Variants in DLG5 observed in about 807,000 individuals in gnomAD.
The protein encoded by DLG5 is discs large MAGUK scaffold protein 5, also known as disks large homolog 5.
A neutral mutation model predicts 189.8 loss-of-function variants in DLG5; 48 were observed. That is an observed-to-expected ratio of 0.25 (90% CI 0.20 to 0.32). The LOEUF (loss-of-function observed/expected upper bound fraction) is 0.32, where lower values mean the gene tolerates loss of function less well. Ranked by LOEUF, DLG5 falls within the 10% of genes least tolerant of loss-of-function variation. DLG5 has a pLI of 1.00. For missense variants in DLG5, 2,160 were observed against 2,544.7 expected (o/e 0.85, Z 3.25); for synonymous variants, 1,016 against 1,054.1 (o/e 0.96, Z 0.70).
rs1461432097 is a variant in DLG5 at position 77,816,617 on chromosome 10, G to A, written c.3959C>T (p.Thr1320Ile). ...DTLSSCSQSQ[T>I]SASTLPRIAV... ...GATTCTGGGCAATGTGGAGGCTGAG[G>A]TCTGGGACTGGCTACAAGAGGACAG... The change falls in exon 20 of 32, where the codon ACC becomes ATC. Residue 1320 changes from threonine (T) to isoleucine (I), a missense_variant. This residue lies in a region of DLG5 where 754 missense variants were observed against 746.5 expected (regional missense o/e 1.01). Coordinates refer to ENST00000372391, the MANE Select transcript of DLG5 (RefSeq NM_004747.4). 6.2e-7 allele frequency: 1 copy of A among 1,614,192 alleles called. No homozygotes were observed. Among genetic ancestry groups the A allele is most frequent in the Non-Finnish European group, 8.5e-7 (1 of 1,180,032 alleles).
At chr10:77,820,754 G>A (rs1338686145) in intron 15 of DLG5, 12 of 328,834 alleles carry the variant, frequency 3.6e-5, no homozygotes, top group East Asian at 5.4e-5. Flanking sequence ...AGCCTCACAC[G>A]TGCCACCTCA....
In DLG5 at chr10:77,856,819, G is replaced by A. The variant is rs773264708; in HGVS notation, c.447C>T (p.Leu149=). 4.3e-6 allele frequency: 7 copies of A among 1,613,338 alleles called. No homozygotes were observed. The highest frequency in any genetic ancestry group is 3.3e-5 in the South Asian group (3 of 90,988). The change falls in exon 3 of 32, where the codon CTC becomes CTT. Residue 149 remains leucine (L), a synonymous_variant. Coordinates refer to ENST00000372391, the MANE Select transcript of DLG5 (RefSeq NM_004747.4). ...GGGTCATCAGCCGCAGCTGAATGGAGAGGTTCTCCACCTTCTCATTCACTT... is the reference window on the plus strand; with the variant it reads ...GGGTCATCAGCCGCAGCTGAATGGAAAGGTTCTCCACCTTCTCATTCACTT... ...DQQVNEKVEN[L]SIQLRLMTRE... is the part of the protein sequence containing the mutation.
At chr10:77,918,998 C>G (rs1414644018) in intron 1 of DLG5, among the ~76,000 whole-genome samples, 2 of 152,104 alleles carry the variant, frequency 1.3e-5, no homozygotes, top group Non-Finnish European at 2.9e-5. Context: ...GGCGGATCAC[C>G]TGAGGTCAGG....
At chr10:77,939,785 AG>A in the DLG5 span, among the ~76,000 whole-genome samples, 1 of 152,180 alleles carries the variant, frequency 6.6e-6, no homozygotes, top group Non-Finnish European at 1.5e-5. Flanking sequence ...TTGGAGGAAA[AG>A]CTCCTCCATG....
intron 15 of DLG5, 169 bp downstream of exon 15, chr10:77,820,913 T>TTACC: frequency 1.3e-6 from 1 of 793,500 alleles, no homozygotes; most frequent in Non-Finnish European, 1.9e-6. Context: ...TCCACGCCAC[T>TTACC]TACCTACCTC....
Position 77,875,633 on chromosome 10 carries a change from T to A in DLG5, c.305-6436A>T, listed in dbSNP as rs79816924. Among the ~76,000 whole-genome samples, 31 of 152,226 alleles carry A rather than the reference T, an allele frequency of 2.0e-4. No homozygotes were observed. The East Asian group carries it at 5.8e-3, about 29-fold the overall frequency. On this transcript the variant is annotated intron_variant, in intron 1 of 31. Coordinates refer to ENST00000372391, the MANE Select transcript of DLG5 (RefSeq NM_004747.4). ...CACTCAATTCTGTGAACTGCAGAGA[T>A]GAGGAAGGAGGTGACCGTGAAAGTT...
intron 1 of DLG5, among the ~76,000 whole-genome samples, chr10:77,915,404 G>A (rs955640154): frequency 2.6e-5 from 4 of 152,028 alleles, no homozygotes; most frequent in African/African-American, 9.7e-5. Flanking sequence ...AAAAAATGAT[G>A]GTATACGTTG....
intron 1 of DLG5, among the ~76,000 whole-genome samples, chr10:77,879,204 T>A (rs1201320913): frequency 6.6e-6 from 1 of 152,044 alleles, no homozygotes; most frequent in African/African-American, 2.4e-5. Context: ...AGGTCATCTT[T>A]CCCCAGAGAC....
Position 77,812,067 on chromosome 10 carries a change from C to T in DLG5, c.4189-10G>A. ...GGTTTATGCCGTTGAACTGGGGAAA[C>T]ACCAGGATGGGCTCAGTGGGGGGGT... is the stretch of plus-strand genomic sequence containing the variant. On this transcript the variant is annotated splice_polypyrimidine_tract_variant and intron_variant, in intron 21 of 31. Transcript: ENST00000372391. 6.2e-7 allele frequency: 1 copy of T among 1,608,760 alleles called. No individual in the cohort carries two copies. The highest frequency in any genetic ancestry group is 2.2e-5 in the East Asian group (1 of 44,840).
At chr10:77,846,981 A>C (rs570530117) in intron 5 of DLG5, among the ~76,000 whole-genome samples, 85 of 152,268 alleles carry the variant, frequency 5.6e-4, no homozygotes, top group African/African-American at 1.9e-3. Context: ...AGTGCTCGGC[A>C]GAATCAGGAG....
At chr10:77,806,392 T>C (rs953308437) in intron 26 of DLG5, among the ~76,000 whole-genome samples, 2 of 152,166 alleles carry the variant, frequency 1.3e-5, no homozygotes, top group Non-Finnish European at 2.9e-5. Flanking sequence ...TGGGGTTTGT[T>C]TGAGGTGATG....
chr10:77,821,935 T>A lies in DLG5; in HGVS notation c.2549A>T (p.Asp850Val). 1 of 1,614,256 alleles carries A rather than the reference T, an allele frequency of 6.2e-7. No homozygotes were observed. Among genetic ancestry groups the A allele is most frequent in the South Asian group, 1.1e-5 (1 of 91,092 alleles). ...NSTQTDIFYT[D>V]RLEDRKEPGP... ...TGGCTCCTTCCTGTCTTCCAGCCTGTCCGTGTAGAAGATGTCTGTCTGCGT... is the reference window on the plus strand; with the variant it reads ...TGGCTCCTTCCTGTCTTCCAGCCTGACCGTGTAGAAGATGTCTGTCTGCGT... The change falls in exon 15 of 32, where the codon GAC (aspartate) becomes GTC (valine). Residue 850 changes from aspartate (D) to valine (V), a missense_variant. Physicochemically the swap from Asp to Val is radical, Grantham distance 152 (BLOSUM62 -3). Coordinates refer to ENST00000372391, the MANE Select transcript of DLG5 (RefSeq NM_004747.4).
intron 1 of DLG5, among the ~76,000 whole-genome samples, chr10:77,893,389 A>G (rs1460374436): frequency 6.6e-6 from 1 of 152,234 alleles, no homozygotes; most frequent in East Asian, 1.9e-4. Context: ...TTACTCCTCC[A>G]TAACCCTGTT....
chr10:77,833,886 A>T, intron 9 of DLG5, 28 bp downstream of exon 9: 1 of 1,601,998 alleles, frequency 6.2e-7, no homozygotes, highest in Non-Finnish European at 8.5e-7. Context: ...ATGCATGCCC[A>T]CTCCAGCGGG....
chr10:77,794,032 G>C lies in DLG5; in HGVS notation c.5632C>G (p.Gln1878Glu), dbSNP rs1479573809. ...EQFEAAQKLE[Q>E]EYSRYFTGVI... ...CCTGTGAAGTACCTGCTGTACTCCT[G>C]CTCAAGCTTCTGCGCCGCCTCAAAC... The change falls in exon 31 of 32, where the codon CAG becomes GAG. Residue 1878 changes from glutamine (Q) to glutamate (E), a missense_variant. Coordinates refer to ENST00000372391, the MANE Select transcript of DLG5 (RefSeq NM_004747.4). The C allele has an allele frequency of 1.9e-6, 3 of 1,613,974 alleles. No individual in the cohort carries two copies. The East Asian group carries it at 6.7e-5, about 36-fold the overall frequency.
chr10:77,870,719 A>G (rs1327104896), intron 1 of DLG5, among the ~76,000 whole-genome samples: 1 of 151,932 alleles, frequency 6.6e-6, no homozygotes, highest in Admixed American at 6.6e-5. Flanking sequence ...TTCCACTGCA[A>G]TTCTTGACTA....
chr10:77,908,763 T>A (rs547219371), intron 1 of DLG5, among the ~76,000 whole-genome samples: 19 of 151,670 alleles, frequency 1.3e-4, no homozygotes, highest in Non-Finnish European at 1.5e-4. Flanking sequence ...CTTGTTCAAG[T>A]TTTCCAACAA....
At chr10:77,818,299 G>A (rs552448186) in intron 17 of DLG5, among the ~76,000 whole-genome samples, 42 of 152,290 alleles carry the variant, frequency 2.8e-4, no homozygotes, top group Admixed American at 4.6e-4. Context: ...TCGGGACAGC[G>A]TGCCTAAGAA....
In DLG5 at chr10:77,899,328, G is replaced by A. The variant is rs529266971; in HGVS notation, c.304+26889C>T. Among the ~76,000 whole-genome samples the A allele has an allele frequency of 4.6e-5, 7 of 152,294 alleles. No homozygotes were observed. The East Asian group carries it at 1.4e-3, about 29-fold the overall frequency. On this transcript the variant is annotated intron_variant, in intron 1 of 31. Coordinates refer to ENST00000372391, the MANE Select transcript of DLG5 (RefSeq NM_004747.4). ...AATCTGCCAGCAGGAACTGGTAGCA[G>A]AAAACTCCCCAAAGCCTGCTCCAAT... is the stretch of plus-strand genomic sequence containing the variant.
Sources: allele counts gnomAD v4.1 joint callset (sites outside exome capture counted in the v4.1 genomes callset), GRCh38; gene constraint gnomAD v4.1.1; regional missense constraint gnomAD v4.1.1; transcripts MANE v1.5; gene names NCBI Gene and HGNC (gene_info 2026-07-23, HGNC 2026-07-21).